Variants in NEDD4L observed in about 807,000 individuals in gnomAD.
NEDD4L encodes the protein E3 ubiquitin-protein ligase NEDD4-like.
A neutral mutation model predicts 148.9 loss-of-function variants in NEDD4L; 54 were observed. That is an observed-to-expected ratio of 0.36 (90% CI 0.29 to 0.45). The LOEUF (loss-of-function observed/expected upper bound fraction) is 0.45, where lower values mean the gene tolerates loss of function less well. Ranked by LOEUF, NEDD4L falls within the 20% of genes least tolerant of loss-of-function variation. NEDD4L has a pLI of 1.00. For missense variants in NEDD4L, 856 were observed against 1,233.8 expected, an observed-to-expected ratio of 0.69 and a Z score of 4.59; for synonymous variants, 433 against 440.7, an observed-to-expected ratio of 0.98 and a Z score of 0.22.
intron 1 of NEDD4L, among the ~76,000 whole-genome samples, chr18:58,099,326 T>C (rs1377342146): frequency 6.6e-6 from 1 of 152,206 alleles, no homozygotes; most frequent in Non-Finnish European, 1.5e-5. Flanking sequence ...GCCTGTTGTC[T>C]TACTCATCTG....
At chr18:58,227,834 T>G in intron 2 of NEDD4L, 1 of 972,342 alleles carries the variant, frequency 1.0e-6, no homozygotes, top group Non-Finnish European at 1.2e-6. Flanking sequence ...TTTCAGCTTC[T>G]GCTCCATTGC....
At chr18:58,161,582 A>G (rs2036224479) in intron 1 of NEDD4L, among the ~76,000 whole-genome samples, 1 of 152,032 alleles carries the variant, frequency 6.6e-6, no homozygotes, top group Non-Finnish European at 1.5e-5. Flanking sequence ...GTCTTTTTCT[A>G]TGCAGCTATA....
At chr18:58,272,491 G>A (rs763657925) in intron 5 of NEDD4L, among the ~76,000 whole-genome samples, 2 of 152,060 alleles carry the variant, frequency 1.3e-5, no homozygotes, top group African/African-American at 2.4e-5. Flanking sequence ...GCACAAATTG[G>A]CCGGTATGTG....
chr18:58,260,473 A>C (rs2049216657), intron 5 of NEDD4L, among the ~76,000 whole-genome samples: 1 of 152,198 alleles, frequency 6.6e-6, no homozygotes, highest in South Asian at 2.1e-4. Flanking sequence ...AATTTGAAGA[A>C]TGCTTTGTTT....
chr18:58,378,803 G>A (rs1190817244), intron 24 of NEDD4L, among the ~76,000 whole-genome samples: 14 of 152,204 alleles, frequency 9.2e-5, no homozygotes, highest in Admixed American at 9.2e-4. Flanking sequence ...TATTCCATAT[G>A]AGCCAAGCTG....
chr18:58,297,486 C>T (rs774530837), intron 5 of NEDD4L, among the ~76,000 whole-genome samples: 46 of 152,214 alleles, frequency 3.0e-4, no homozygotes, highest in African/African-American at 1.0e-3. Flanking sequence ...GAAGAGAAGA[C>T]GTGTGTGTAA....
At chr18:58,088,167 A>G (rs2083864163) in intron 1 of NEDD4L, among the ~76,000 whole-genome samples, 1 of 152,244 alleles carries the variant, frequency 6.6e-6, no homozygotes, top group South Asian at 2.1e-4. Flanking sequence ...CCCTCAGGAC[A>G]CATGATTCAG....
At chr18:58,323,375 C>T (rs1340251608) in intron 8 of NEDD4L, 41 bp downstream of exon 8, 2 of 1,014,376 alleles carry the variant, frequency 2.0e-6, no homozygotes, top group South Asian at 1.4e-5. Context: ...GCCTTGAGAT[C>T]ATATTCATGT....
chr18:58,288,193 A>G (rs1051669016), intron 5 of NEDD4L, among the ~76,000 whole-genome samples: 11 of 152,252 alleles, frequency 7.2e-5, no homozygotes, highest in Non-Finnish European at 1.3e-4. Context: ...AGAGAGCACA[A>G]AATACATCCA....
chr18:58,259,089 GACA>G (rs1568497300), intron 5 of NEDD4L, among the ~76,000 whole-genome samples: 1 of 152,212 alleles, frequency 6.6e-6, no homozygotes, highest in Non-Finnish European at 1.5e-5. Context: ...GGATTCATTT[GACA>G]ACGTGCTCAT....
Position 58,245,703 on chromosome 18 carries a change from T to G in NEDD4L, c.204+195T>G, listed in dbSNP as rs1330234900. 2.9e-5 allele frequency among the ~76,000 whole-genome samples: 4 copies of G among 138,668 alleles called. No individual in the cohort carries two copies. In the Admixed American group the frequency reaches 3.0e-4, roughly 10 times the overall value. The allele number at this position is 138,668 out of a possible 152,430, so 91.0% of individuals were successfully genotyped here. ...TTTTTTTTTTTTTTTTTTTTTGAGA[T>G]GGAGTCTCACTCTGTCGCCCAGGCT... On this transcript the variant is annotated intron_variant, in intron 3 of 30. Coordinates refer to ENST00000400345, the MANE Select transcript of NEDD4L (RefSeq NM_001144967.3).
At chr18:58,326,987 G>T (rs1033313642) in intron 9 of NEDD4L, among the ~76,000 whole-genome samples, 2 of 152,156 alleles carry the variant, frequency 1.3e-5, no homozygotes, top group African/African-American at 4.8e-5. Flanking sequence ...GTGTTGATTA[G>T]ACCTCAATAA....
intron 5 of NEDD4L, among the ~76,000 whole-genome samples, chr18:58,310,981 A>G (rs1043449709): frequency 2.6e-5 from 4 of 151,178 alleles, no homozygotes; most frequent in Non-Finnish European, 5.9e-5. Flanking sequence ...ATTCTCTACA[A>G]TTCCCTTCCA....
intron 1 of NEDD4L, among the ~76,000 whole-genome samples, chr18:58,085,499 A>C (rs146592545): frequency 6.6e-6 from 1 of 152,330 alleles, no homozygotes; most frequent in African/African-American, 2.4e-5. Context: ...AGTGTGCAAG[A>C]TAATGAGGCG....
chr18:58,390,558 A>G lies in NEDD4L; in HGVS notation c.2656-88A>G, dbSNP rs2049674302. On this transcript the variant is annotated intron_variant, in intron 28 of 30. Coordinates refer to ENST00000400345, the MANE Select transcript of NEDD4L (RefSeq NM_001144967.3). ...GTCTAGGTCTTACATTGCAATATAA[A>G]TAAGATTAAGTTCTGCCTGCCTGCA... 1.8e-5 allele frequency: 15 copies of G among 812,442 alleles called. No homozygotes were observed. The South Asian group carries it at 2.2e-4, about 12-fold the overall frequency. 50.3% of individuals were successfully genotyped at this position (812,442 alleles called of 1,614,324 possible). A position where few individuals can be genotyped will look rare whatever the true frequency, so the allele number is the denominator to read the frequency against.
intron 2 of NEDD4L, among the ~76,000 whole-genome samples, chr18:58,235,469 G>A (rs909321321): frequency 5.3e-5 from 8 of 152,214 alleles, no homozygotes; most frequent in African/African-American, 1.7e-4. Flanking sequence ...AGTGCAAGCC[G>A]AGTCCTGGGA....
intron 24 of NEDD4L, among the ~76,000 whole-genome samples, chr18:58,377,190 T>C (rs1601872170): frequency 6.6e-6 from 1 of 152,230 alleles, no homozygotes; most frequent in East Asian, 1.9e-4. Flanking sequence ...TAGTTGTTGA[T>C]GTGGAAATCT....
At chr18:58,283,914 T>G (rs76535209) in intron 5 of NEDD4L, among the ~76,000 whole-genome samples, 30,354 of 151,998 alleles carry the variant, frequency 0.2, 3,159 homozygotes, top group East Asian at 0.29. Flanking sequence ...AAGGGAAAAT[T>G]TAGGCTCAGA....
chr18:58,349,392 A>C (rs1485068537), intron 16 of NEDD4L, 145 bp from the exon 17 acceptor site: 2 of 652,068 alleles, frequency 3.1e-6, no homozygotes, highest in Admixed American at 2.4e-5. Context: ...GGCTTCCTGT[A>C]CAAAACAGAG....
Sources: gnomAD v4.1 joint callset for allele counts (sites outside exome capture counted in the v4.1 genomes callset) on GRCh38, gnomAD v4.1.1 for gene constraint, MANE v1.5 for transcripts, NCBI Gene and HGNC (gene_info 2026-07-23, HGNC 2026-07-21) for gene names.